The following NTNG1 variants were observed in gnomAD, a reference collection of about 807,000 sequenced individuals.
NTNG1 encodes netrin-G1.
In NTNG1, 16 loss-of-function variants were observed where a neutral mutation model predicts 54.0. The observed-to-expected ratio is 0.30, with a 90% CI of 0.20 to 0.45. NTNG1 has a LOEUF of 0.45. Among genes scored for constraint, NTNG1 ranks in the 20% least tolerant of loss-of-function variants. The pLI, the probability that NTNG1 is intolerant of heterozygous loss-of-function variation, is 1.00. For synonymous variants in NTNG1, 255 were observed against 263.1 expected (o/e 0.97, Z 0.30); for missense variants, 530 against 678.7 (o/e 0.78, Z 2.43).
At chr1:107,149,888 A>G (rs968802856) in intron 2 of NTNG1, among the ~76,000 whole-genome samples, 1 of 152,104 alleles carries the variant, frequency 6.6e-6, no homozygotes, top group Non-Finnish European at 1.5e-5. Context: ...TATTATCTTG[A>G]ACCTGGCCTG....
chr1:107,452,493 T>C (rs963526634), intron 7 of NTNG1, among the ~76,000 whole-genome samples: 1 of 152,132 alleles, frequency 6.6e-6, no homozygotes, highest in African/African-American at 2.4e-5. Flanking sequence ...ATCCCCACTG[T>C]GGTAGTATTG....
At chr1:107,340,946 G>C (rs551496870) in intron 3 of NTNG1, among the ~76,000 whole-genome samples, 2 of 151,978 alleles carry the variant, frequency 1.3e-5, no homozygotes, top group African/African-American at 4.8e-5. Context: ...AAACTAAGTA[G>C]TGGTTATTAC....
chr1:107,296,626 C>A (rs1257113196), intron 2 of NTNG1, among the ~76,000 whole-genome samples: 2 of 146,860 alleles, frequency 1.4e-5, no homozygotes, highest in East Asian at 3.9e-4. Flanking sequence ...TATATTATTT[C>A]TATGAATATA....
chr1:107,401,240 T>G (rs1673014456), intron 4 of NTNG1, among the ~76,000 whole-genome samples: 1 of 152,162 alleles, frequency 6.6e-6, no homozygotes, highest in African/African-American at 2.4e-5. Flanking sequence ...ATTTACTGCC[T>G]GGGTGGCTTG....
intron 2 of NTNG1, among the ~76,000 whole-genome samples, chr1:107,200,494 G>A (rs553374361): frequency 0.065 from 44 of 680 alleles, no homozygotes; most frequent in Non-Finnish European, 0.27. Flanking sequence ...GGCTGCAGGG[G>A]AACATTAGGG....
At chr1:107,319,346 A>G (rs1166035442) in intron 2 of NTNG1, among the ~76,000 whole-genome samples, 1 of 152,154 alleles carries the variant, frequency 6.6e-6, no homozygotes, top group Non-Finnish European at 1.5e-5. Flanking sequence ...TAAAGGAGTC[A>G]GTCACTAGCC....
intron 2 of NTNG1, among the ~76,000 whole-genome samples, chr1:107,204,543 C>T (rs4607913): frequency 1 from 151,693 of 152,164 alleles, 75,614 homozygotes; most frequent in Middle Eastern, 1. Context: ...GGCATGTGAG[C>T]GAATCTGTCT....
intron 3 of NTNG1, among the ~76,000 whole-genome samples, chr1:107,339,336 A>G (rs1300784787): frequency 6.6e-6 from 1 of 152,076 alleles, no homozygotes. Context: ...GTGTTCTGGA[A>G]ATGTATAGTG....
At chr1:107,182,813 A>C (rs944703798) in intron 2 of NTNG1, among the ~76,000 whole-genome samples, 4 of 152,134 alleles carry the variant, frequency 2.6e-5, no homozygotes, top group Non-Finnish European at 4.4e-5. Flanking sequence ...AGGACAGAGG[A>C]GTCAGAGACC....
intron 7 of NTNG1, among the ~76,000 whole-genome samples, chr1:107,470,180 AG>A (rs1279573593): frequency 1.2e-4 from 18 of 152,220 alleles, no homozygotes; most frequent in Admixed American, 1.2e-3. Context: ...GATAATTGGT[AG>A]TCCTACTAGA....
At chr1:107,404,141 G>C (rs1226901493) in intron 4 of NTNG1, among the ~76,000 whole-genome samples, 1 of 150,990 alleles carries the variant, frequency 6.6e-6, no homozygotes, top group Non-Finnish European at 1.5e-5. Flanking sequence ...TTTTCTTAAA[G>C]AGAAGTCACA....
At chr1:107,169,994 A>G (rs1414635185) in intron 2 of NTNG1, among the ~76,000 whole-genome samples, 1 of 152,192 alleles carries the variant, frequency 6.6e-6, no homozygotes, top group African/African-American at 2.4e-5. Context: ...TGCTTCTAAA[A>G]CATTTCAATT....
intron 2 of NTNG1, among the ~76,000 whole-genome samples, chr1:107,154,726 A>G (rs888221213): frequency 2.0e-5 from 3 of 151,130 alleles, no homozygotes; most frequent in Admixed American, 6.6e-5. Flanking sequence ...AGGATGGAAG[A>G]GGAACAAAAT....
chr1:107,197,614 C>T (rs1418620374), intron 2 of NTNG1, among the ~76,000 whole-genome samples: 2 of 151,978 alleles, frequency 1.3e-5, no homozygotes, highest in Non-Finnish European at 1.5e-5. Context: ...GGACTACATT[C>T]TGGCTTGGAT....
At chr1:107,296,899 TCTTA>T in intron 2 of NTNG1, among the ~76,000 whole-genome samples, 1 of 149,328 alleles carries the variant, frequency 6.7e-6, no homozygotes, top group Non-Finnish European at 1.5e-5. Flanking sequence ...ACTTTACATG[TCTTA>T]CTTATTTCAG....
intron 5 of NTNG1, among the ~76,000 whole-genome samples, chr1:107,423,598 A>G (rs962882237): frequency 1.3e-5 from 2 of 152,136 alleles, no homozygotes; most frequent in African/African-American, 2.4e-5. Flanking sequence ...TTGTGTATAC[A>G]TACAGCTAAA....
At chr1:107,184,478 G>A (rs901047653) in intron 2 of NTNG1, among the ~76,000 whole-genome samples, 1 of 152,050 alleles carries the variant, frequency 6.6e-6, no homozygotes, top group Non-Finnish European at 1.5e-5. Flanking sequence ...GCTTCCTGCC[G>A]AAAGTAGTTC....
chr1:107,200,282 G>A (rs1038757172), intron 2 of NTNG1, among the ~76,000 whole-genome samples: 1 of 151,708 alleles, frequency 6.6e-6, no homozygotes, highest in African/African-American at 2.4e-5. Context: ...AGATAATCCT[G>A]GCACCCTCCA....
At chr1:107,196,397 A>C (rs1658332357) in intron 2 of NTNG1, among the ~76,000 whole-genome samples, 2 of 152,032 alleles carry the variant, frequency 1.3e-5, no homozygotes, top group African/African-American at 4.8e-5. Flanking sequence ...TATATAAACT[A>C]CTTGGCACAG....
Sources: allele counts gnomAD v4.1 joint callset (sites outside exome capture counted in the v4.1 genomes callset), GRCh38; gene constraint gnomAD v4.1.1; transcripts MANE v1.5; gene names NCBI Gene and HGNC (gene_info 2026-07-23, HGNC 2026-07-21).